Variants in DENND6A observed in about 807,000 individuals in gnomAD.
DENND6A encodes protein DENND6A.
A neutral mutation model predicts 95.5 loss-of-function variants in DENND6A; 43 were observed. The observed-to-expected ratio is 0.45, with a 90% CI of 0.35 to 0.58. The LOEUF is 0.58. Ranked by LOEUF, DENND6A falls within the 20% of genes least tolerant of loss-of-function variation. DENND6A has a pLI of 0.00. For synonymous variants in DENND6A, 257 were observed against 260.4 expected, an observed-to-expected ratio of 0.99 and a Z score of 0.13; for missense variants, 574 against 736.0, an observed-to-expected ratio of 0.78 and a Z score of 2.55.
At chr3:57,671,893 CT>C (rs2071623884) in intron 3 of DENND6A, among the ~76,000 whole-genome samples, 1 of 152,168 alleles carries the variant, frequency 6.6e-6, no homozygotes, top group South Asian at 2.1e-4. Context: ...AGGTTCACTG[CT>C]TTTACAGAGT....
rs1465267153 is a variant in DENND6A at position 57,630,620 on chromosome 3, G to C, written c.1517+95C>G. 40 of 1,524,808 alleles carry C rather than the reference G, an allele frequency of 2.6e-5. No homozygotes were observed. The South Asian group carries it at 4.4e-4, about 17-fold the overall frequency. The allele number at this position is 1,524,808 out of a possible 1,614,324, so 94.5% of individuals were successfully genotyped here. On this transcript the variant is annotated intron_variant, in intron 17 of 19. Transcript: ENST00000311128. The stretch of plus-strand genomic sequence containing the variant: ...CAGAGAACCATGTCAAACTTTAGTA[G>C]AATTTTTTAAAAAGAATAAGCTTAA...
chr3:57,649,372 G>C (rs2153414224), intron 9 of DENND6A, among the ~76,000 whole-genome samples: 1 of 152,190 alleles, frequency 6.6e-6, no homozygotes, highest in African/African-American at 2.4e-5. Flanking sequence ...TGGTGTGGAT[G>C]TGGTGAAAAG....
chr3:57,670,632 G>A (rs895750791), intron 3 of DENND6A, among the ~76,000 whole-genome samples: 3 of 152,158 alleles, frequency 2.0e-5, no homozygotes, highest in Admixed American at 1.3e-4. Context: ...AGGGTAAAGG[G>A]CTCTTTTTGC....
At chr3:57,666,919 T>C (rs974757974) in intron 3 of DENND6A, among the ~76,000 whole-genome samples, 1 of 152,198 alleles carries the variant, frequency 6.6e-6, no homozygotes, top group Non-Finnish European at 1.5e-5. Context: ...CAAAAAGATA[T>C]AAAAGTTATG....
At chr3:57,670,445 A>G (rs1214857226) in intron 3 of DENND6A, among the ~76,000 whole-genome samples, 1 of 152,198 alleles carries the variant, frequency 6.6e-6, no homozygotes, top group Non-Finnish European at 1.5e-5. Context: ...AAAACTAATG[A>G]AAGATAAGGG....
In DENND6A at chr3:57,692,877, G is replaced by A. The variant is rs1203354428; in HGVS notation, c.142C>T (p.Arg48Cys). 3.2e-6 allele frequency: 5 copies of A among 1,584,030 alleles called. No individual in the cohort carries two copies. The highest frequency in any genetic ancestry group is 1.4e-5 in the African/African-American group (1 of 71,794). ...APEDDEEDDG[R>C]GRGLLRWDSF... The stretch of plus-strand genomic sequence containing the variant: ...TCCCAGCGCAGCAGGCCCCGGCCAC[G>A]GCCATCGTCCTCTTCATCGTCCTCT... The change falls in exon 1 of 20, where the codon CGT becomes TGT. Residue 48 changes from arginine to cysteine, a missense_variant. By Grantham distance (180) the Arg-to-Cys change is radical. Coordinates refer to ENST00000311128, the MANE Select transcript of DENND6A (RefSeq NM_152678.3).
At chr3:57,651,712 G>C (rs1263066252) in intron 9 of DENND6A, among the ~76,000 whole-genome samples, 1 of 151,778 alleles carries the variant, frequency 6.6e-6, no homozygotes, top group Non-Finnish European at 1.5e-5. Context: ...GATAAACCCG[G>C]AATATCTCAC....
intron 1 of DENND6A, among the ~76,000 whole-genome samples, chr3:57,677,419 C>CTTTTTTTTTTTTT (rs71088101): frequency 1.5e-4 from 10 of 68,706 alleles, no homozygotes; most frequent in African/African-American, 1.8e-4. Flanking sequence ...CTTTGTTGTC[C>CTTTTTTTTTTTTT]TTTTTTTTTT....
chr3:57,655,765 C>G (rs1470827519), intron 9 of DENND6A, among the ~76,000 whole-genome samples: 1 of 152,100 alleles, frequency 6.6e-6, no homozygotes, highest in East Asian at 1.9e-4. Flanking sequence ...AGTCCAAAAT[C>G]CAAAACACTT....
chr3:57,679,044 C>T (rs955417240), intron 1 of DENND6A, among the ~76,000 whole-genome samples: 2 of 152,242 alleles, frequency 1.3e-5, no homozygotes, highest in Non-Finnish European at 2.9e-5. Context: ...GTGGAGGTTG[C>T]AGTGAGCCCA....
intron 15 of DENND6A, 92 bp downstream of exon 15, chr3:57,633,173 C>T (rs1029135760): frequency 5.5e-6 from 6 of 1,090,784 alleles, no homozygotes; most frequent in Non-Finnish European, 8.1e-6. Context: ...GCAAAACACA[C>T]AACTTAAGAT....
intron 1 of DENND6A, among the ~76,000 whole-genome samples, chr3:57,691,778 GACCTTCAACAACGTCAA>G (rs1202066324): frequency 6.8e-6 from 1 of 147,844 alleles, no homozygotes; most frequent in East Asian, 2.0e-4. Flanking sequence ...ATGCTAAAAA[GACCTTCAACAACGTCAA>G]GAATAGATGT....
In DENND6A at chr3:57,630,553, T is replaced by A. The variant is rs759571534; in HGVS notation, c.1518-30A>T. Reference sequence around the variant, plus strand: ...AAAAATACATTTTAAAAAAGTAAAGTTTGATTATAACTTATTTCCTTTCCT... The same window carrying A: ...AAAAATACATTTTAAAAAAGTAAAGATTGATTATAACTTATTTCCTTTCCT... On this transcript the variant is annotated intron_variant, in intron 17 of 19. Coordinates refer to ENST00000311128, the MANE Select transcript of DENND6A (RefSeq NM_152678.3). 2.5e-6 allele frequency: 4 copies of A among 1,569,366 alleles called. No homozygotes were observed. In the Admixed American group the frequency reaches 8.4e-5, roughly 33 times the overall value.
chr3:57,631,721 T>TA (rs1304570893), intron 15 of DENND6A, among the ~76,000 whole-genome samples: 3 of 140,976 alleles, frequency 2.1e-5, no homozygotes, highest in African/African-American at 7.9e-5. Context: ...GCTCTCTTTT[T>TA]TTTTTTTTTT....
intron 3 of DENND6A, among the ~76,000 whole-genome samples, chr3:57,668,056 C>A (rs1362589263): frequency 6.6e-6 from 1 of 151,860 alleles, no homozygotes; most frequent in African/African-American, 2.4e-5. Context: ...CAGAGCAAGA[C>A]CCTATCTCAA....
At chr3:57,638,673 CTAAA>C (rs1015641026) in intron 12 of DENND6A, among the ~76,000 whole-genome samples, 12 of 151,610 alleles carry the variant, frequency 7.9e-5, no homozygotes, top group South Asian at 4.2e-4. Flanking sequence ...AAATAAATAA[CTAAA>C]TAAATAAATA....
At chr3:57,688,693 C>A (rs2077233237) in intron 1 of DENND6A, among the ~76,000 whole-genome samples, 1 of 139,664 alleles carries the variant, frequency 7.2e-6, no homozygotes, top group Non-Finnish European at 1.6e-5. Context: ...CAAAAAAAAA[C>A]ACACAGCTCC....
At chr3:57,668,540 G>T (rs187287989) in intron 3 of DENND6A, among the ~76,000 whole-genome samples, 4 of 152,264 alleles carry the variant, frequency 2.6e-5, no homozygotes, top group East Asian at 3.9e-4. Context: ...CAGAGGGAAG[G>T]CCCTCTTTAA....
At chr3:57,682,281 C>CAAAAAAAAAA (rs10618015) in intron 1 of DENND6A, among the ~76,000 whole-genome samples, 1 of 53,566 alleles carries the variant, frequency 1.9e-5, no homozygotes, top group African/African-American at 8.2e-5. Flanking sequence ...GACTCCGTCT[C>CAAAAAAAAAA]AAAAAAAAAA....
Sources: gnomAD v4.1 joint callset for allele counts (sites outside exome capture counted in the v4.1 genomes callset) on GRCh38, gnomAD v4.1.1 for gene constraint, MANE v1.5 for transcripts, NCBI Gene and HGNC (gene_info 2026-07-23, HGNC 2026-07-21) for gene names.